Variants in CLINT1 observed in about 807,000 individuals in gnomAD.
CLINT1 encodes clathrin interactor 1.
Under a neutral mutation model 70.4 loss-of-function variants are expected in CLINT1, and 15 were observed. The ratio of observed to expected loss-of-function variants is 0.21; its 90% CI spans 0.14 to 0.33. The LOEUF is 0.33. CLINT1 is among the 10% of genes least tolerant of loss of function. The pLI is 1.00. For missense variants in CLINT1, 615 were observed against 778.1 expected, an observed-to-expected ratio of 0.79 and a Z score of 2.49; for synonymous variants, 227 against 254.7, an observed-to-expected ratio of 0.89 and a Z score of 1.04.
intron 1 of CLINT1, among the ~76,000 whole-genome samples, chr5:157,831,693 CT>C (rs35629225): frequency 0.17 from 21,636 of 123,872 alleles, 2,367 homozygotes; most frequent in East Asian, 0.55. Flanking sequence ...TGAAAATATC[CT>C]TTTTTTTTTT....
intron 1 of CLINT1, among the ~76,000 whole-genome samples, chr5:157,855,812 G>C (rs1221678877): frequency 6.6e-6 from 1 of 152,092 alleles, no homozygotes; most frequent in Non-Finnish European, 1.5e-5. Context: ...GCAGGCACCT[G>C]TAATTCCAGC....
intron 5 of CLINT1, among the ~76,000 whole-genome samples, 174 bp downstream of exon 5, chr5:157,812,889 A>G (rs769503556): frequency 6.6e-6 from 1 of 152,244 alleles, no homozygotes; most frequent in Non-Finnish European, 1.5e-5. Context: ...CAAGTTAAAA[A>G]TAGGAAGATT....
chr5:157,805,481 C>T (rs1288982557), intron 7 of CLINT1, among the ~76,000 whole-genome samples: 1 of 152,154 alleles, frequency 6.6e-6, no homozygotes, highest in Non-Finnish European at 1.5e-5. Context: ...ATAACTTGCC[C>T]CTATATATCT....
intron 2 of CLINT1, among the ~76,000 whole-genome samples, chr5:157,817,229 CTG>C (rs1042933388): frequency 2.6e-5 from 4 of 152,100 alleles, no homozygotes; most frequent in African/African-American, 9.7e-5. Flanking sequence ...AAAAGATACA[CTG>C]TGAGTTTCTT....
chr5:157,852,476 C>G (rs1030289931), intron 1 of CLINT1, among the ~76,000 whole-genome samples: 12 of 152,166 alleles, frequency 7.9e-5, no homozygotes, highest in Admixed American at 7.9e-4. Context: ...CCTAGTCTGA[C>G]AATGATATCT....
At chr5:157,820,225 G>T (rs930885727) in intron 1 of CLINT1, among the ~76,000 whole-genome samples, 15 of 152,306 alleles carry the variant, frequency 9.8e-5, no homozygotes, top group African/African-American at 3.4e-4. Flanking sequence ...GAGGCAGGTG[G>T]ATTGCTTGAG....
At position 157,858,941 on chromosome 5, in the gene CLINT1, C is replaced by T. The variant is rs1753852610; in HGVS notation, c.30G>A (p.Leu10=). Residue 10 remains leucine, a synonymous_variant, in exon 1 of 12, where the codon CTG becomes CTA. Coordinates refer to ENST00000411809, the MANE Select transcript of CLINT1 (RefSeq NM_014666.4). ...CCCCCGATACTCACGCTTTGTCCAC[C>T]AGCTCGCGCACCTTCCACATGTTCA... MLNMWKVRE[L]VDKATNVVMN... The T allele has an allele frequency of 6.2e-7, 1 of 1,610,644 alleles. No individual in the cohort carries two copies. Among genetic ancestry groups the T allele is most frequent in the Non-Finnish European group, 8.5e-7 (1 of 1,178,580 alleles).
chr5:157,801,080 A>G (rs781294015), intron 8 of CLINT1, among the ~76,000 whole-genome samples: 2 of 152,272 alleles, frequency 1.3e-5, no homozygotes, highest in Non-Finnish European at 2.9e-5. Flanking sequence ...ATATAAAAAT[A>G]TATCACATAA....
At chr5:157,808,159 T>C (rs1762441349) in intron 6 of CLINT1, among the ~76,000 whole-genome samples, 1 of 152,146 alleles carries the variant, frequency 6.6e-6, no homozygotes, top group Non-Finnish European at 1.5e-5. Flanking sequence ...GTTTCCCTCA[T>C]TAATGTTTTT....
At chr5:157,790,362 A>G (rs1401851715) in intron 10 of CLINT1, 1 of 254,548 alleles carries the variant, frequency 3.9e-6, no homozygotes, top group Admixed American at 5.1e-5. Context: ...AACTGAACTG[A>G]TTAATATATG....
At chr5:157,790,506 T>A in intron 10 of CLINT1, 1 of 344,994 alleles carries the variant, frequency 2.9e-6, no homozygotes. Flanking sequence ...ATGCAAAGAA[T>A]TATGACAGTT....
chr5:157,852,080 G>A (rs562029669), intron 1 of CLINT1, among the ~76,000 whole-genome samples: 1 of 152,218 alleles, frequency 6.6e-6, no homozygotes, highest in East Asian at 1.9e-4. Context: ...AGTCTCTTAA[G>A]AATAAATTGT....
chr5:157,797,103 A>G (rs1275045243), intron 8 of CLINT1, among the ~76,000 whole-genome samples: 2 of 152,228 alleles, frequency 1.3e-5, no homozygotes, highest in Non-Finnish European at 2.9e-5. Flanking sequence ...ACATGTTTAA[A>G]CCATTTAAAC....
chr5:157,799,428 T>C (rs1414155337), intron 8 of CLINT1, among the ~76,000 whole-genome samples: 1 of 152,104 alleles, frequency 6.6e-6, no homozygotes, highest in Non-Finnish European at 1.5e-5. Flanking sequence ...CTTAATCCTT[T>C]TAAATGTTTC....
In CLINT1 at chr5:157,849,901, A is replaced by T. The variant is rs78374762; in HGVS notation, c.41+9029T>A. 3.1e-4 allele frequency among the ~76,000 whole-genome samples: 48 copies of T among 152,386 alleles called. 1 individual carries two copies. The East Asian group carries it at 8.7e-3, about 27-fold the overall frequency. On this transcript the variant is annotated intron_variant, in intron 1 of 11. Transcript: ENST00000411809. The stretch of plus-strand genomic sequence containing the variant: ...TACTATGTGTCATAATTGTTCTAAG[A>T]GTTAGTAATACAGCAGTAAACAAAA...
intron 8 of CLINT1, 168 bp from the exon 9 acceptor site, chr5:157,795,140 T>C: frequency 1.6e-6 from 1 of 618,282 alleles, no homozygotes. Context: ...CTATGTTCCC[T>C]ATGAGCTACC....
rs254682 is a variant in CLINT1 at position 157,786,489 on chromosome 5, A to G, written c.*1157T>C. 0.41 allele frequency: 62,657 copies of G among 152,318 alleles called. 13,426 individuals carry two copies. The highest frequency in any genetic ancestry group is 0.61 in the East Asian group (3,129 of 5,156). 9.4% of individuals were successfully genotyped at this position (152,318 alleles called of 1,614,324 possible). On this transcript the variant is annotated 3_prime_UTR_variant, in exon 12 of 12. Transcript: ENST00000411809. The stretch of plus-strand genomic sequence containing the variant: ...ATTTTGCATTCCAAACTCTAGAATC[A>G]TGATTTTCATGTGAGCTTAATGCAG...
intron 3 of CLINT1, among the ~76,000 whole-genome samples, chr5:157,815,009 G>A (rs1284763507): frequency 2.7e-5 from 4 of 150,008 alleles, no homozygotes; most frequent in Non-Finnish European, 4.4e-5. Flanking sequence ...CTCCAGCCTC[G>A]GCGACAGAGA....
At position 157,817,507 on chromosome 5, in the gene CLINT1, C is replaced by A; in HGVS notation, c.82G>T (p.Val28Phe). Residue 28 changes from valine (V) to phenylalanine (F), a missense_variant, in exon 2 of 12, where the codon GTT (valine) becomes TTT (phenylalanine). Physicochemically the swap from Val to Phe is conservative, Grantham distance 50. Coordinates refer to ENST00000411809, the MANE Select transcript of CLINT1 (RefSeq NM_014666.4). ...GGATCATCGTTCGTTGCCTCTCGAA[C>A]CTTAGACTCGATCTCTGAATAATTC... The part of the protein sequence containing the change: ...VMNYSEIESK[V>F]REATNDDPWG... 6.2e-7 allele frequency: 1 copy of A among 1,605,828 alleles called. No homozygotes were observed. Among genetic ancestry groups the A allele is most frequent in the Non-Finnish European group, 8.5e-7 (1 of 1,175,838 alleles).
Sources: allele counts gnomAD v4.1 joint callset (sites outside exome capture counted in the v4.1 genomes callset), GRCh38; gene constraint gnomAD v4.1.1; transcripts MANE v1.5; gene names NCBI Gene and HGNC (gene_info 2026-07-23, HGNC 2026-07-21).